The following PIP5K1B variants were observed in gnomAD, a reference collection of about 807,000 sequenced individuals.
PIP5K1B encodes the protein phosphatidylinositol-4-phosphate 5-kinase type 1 beta.
Under a neutral mutation model 67.0 loss-of-function variants are expected in PIP5K1B, and 42 were observed. The observed-to-expected ratio is 0.63, with a 90% CI of 0.49 to 0.81. The LOEUF (loss-of-function observed/expected upper bound fraction) is 0.81. PIP5K1B is among the 30% of genes least tolerant of loss of function. The pLI is 0.00. For missense variants in PIP5K1B, 459 were observed against 646.3 expected, an observed-to-expected ratio of 0.71 and a Z score of 3.14; for synonymous variants, 214 against 231.4, an observed-to-expected ratio of 0.92 and a Z score of 0.68.
At chr9:68,864,062 T>TAAAC in intron 5 of PIP5K1B, 95 bp downstream of exon 5, 36 of 1,146,910 alleles carry the variant, frequency 3.1e-5, no homozygotes, top group Non-Finnish European at 4.5e-5. Flanking sequence ...TACATGTTTA[T>TAAAC]ATGTACAGAT....
intron 6 of PIP5K1B, among the ~76,000 whole-genome samples, chr9:68,888,379 G>T (rs760552291): frequency 1.3e-5 from 2 of 152,230 alleles, no homozygotes; most frequent in African/African-American, 2.4e-5. Context: ...CACCATGTGG[G>T]CTAACCACAG....
At chr9:68,989,210 A>G (rs931424148) in intron 14 of PIP5K1B, among the ~76,000 whole-genome samples, 1 of 151,120 alleles carries the variant, frequency 6.6e-6, no homozygotes, top group Non-Finnish European at 1.5e-5. Flanking sequence ...ATAGGTAAAT[A>G]TGTACAAAGA....
intron 11 of PIP5K1B, among the ~76,000 whole-genome samples, chr9:68,920,784 T>TCTCTCTCTCACACACACACA (rs879785029): frequency 2.1e-5 from 3 of 142,126 alleles, no homozygotes; most frequent in African/African-American, 8.4e-5. Flanking sequence ...TCTCTCTCTC[T>TCTCTCTCTCACACACACACA]CACACACATA....
chr9:68,912,581 G>A (rs1825907475), intron 8 of PIP5K1B, among the ~76,000 whole-genome samples: 1 of 152,180 alleles, frequency 6.6e-6, no homozygotes, highest in Admixed American at 6.5e-5. Context: ...AATCTTCACA[G>A]TAACTTTGGT....
chr9:68,793,854 G>A (rs1039128722), intron 2 of PIP5K1B, among the ~76,000 whole-genome samples: 1 of 152,206 alleles, frequency 6.6e-6, no homozygotes, highest in Non-Finnish European at 1.5e-5. Context: ...GAGTAGATGG[G>A]ATCACTAAGG....
intron 8 of PIP5K1B, among the ~76,000 whole-genome samples, chr9:68,906,245 C>T (rs1461671975): frequency 6.6e-6 from 1 of 152,198 alleles, no homozygotes; most frequent in Non-Finnish European, 1.5e-5. Flanking sequence ...TCTGGAACTC[C>T]TGGGCTCAAG....
intron 5 of PIP5K1B, among the ~76,000 whole-genome samples, chr9:68,872,056 A>G (rs6560407): frequency 0.91 from 139,295 of 152,282 alleles, 63,942 homozygotes; most frequent in Non-Finnish European, 0.95. Flanking sequence ...TCCAGTCTCA[A>G]GCAAGGAAAG....
chr9:68,988,636 T>G (rs1218464958), intron 14 of PIP5K1B, among the ~76,000 whole-genome samples: 1 of 151,896 alleles, frequency 6.6e-6, no homozygotes, highest in Non-Finnish European at 1.5e-5. Context: ...TTTTTAGTAG[T>G]GACAAGGTTT....
chr9:68,960,188 T>A (rs1215909839), intron 14 of PIP5K1B, among the ~76,000 whole-genome samples: 1 of 152,230 alleles, frequency 6.6e-6, no homozygotes, highest in Non-Finnish European at 1.5e-5. Flanking sequence ...ATTTCAGAAG[T>A]GGTTTTCAAA....
At chr9:68,969,367 CAAAAAAAA>C (rs10573153) in intron 14 of PIP5K1B, among the ~76,000 whole-genome samples, 9 of 84,140 alleles carry the variant, frequency 1.1e-4, no homozygotes, top group African/African-American at 3.6e-4. Context: ...GACTCCACCT[CAAAAAAAA>C]AAAAAAAAAA....
intron 4 of PIP5K1B, among the ~76,000 whole-genome samples, chr9:68,842,838 T>A (rs756857975): frequency 3.9e-5 from 6 of 152,228 alleles, no homozygotes; most frequent in Non-Finnish European, 7.3e-5. Flanking sequence ...CAGGAATTTA[T>A]GACTTATCTG....
At chr9:68,744,016 G>A (rs1829148979) in intron 2 of PIP5K1B, among the ~76,000 whole-genome samples, 1 of 152,178 alleles carries the variant, frequency 6.6e-6, no homozygotes, top group African/African-American at 2.4e-5. Flanking sequence ...GGGGGTTCTT[G>A]GTGATAGGGA....
chr9:68,940,879 C>T, intron 14 of PIP5K1B, 89 bp downstream of exon 14: 1 of 1,205,756 alleles, frequency 8.3e-7, no homozygotes, highest in African/African-American at 1.5e-5. Context: ...GGACACGTCT[C>T]TAACAACCAG....
chr9:68,837,616 T>TGG (rs143172799), intron 4 of PIP5K1B, among the ~76,000 whole-genome samples: 2 of 71,354 alleles, frequency 2.8e-5, no homozygotes, highest in African/African-American at 4.7e-5. Context: ...TGTTTTTTTT[T>TGG]TTTTTTTTTG....
At chr9:68,894,665 C>A in intron 8 of PIP5K1B, 27 bp downstream of exon 8, 1 of 1,601,040 alleles carries the variant, frequency 6.2e-7, no homozygotes, top group Non-Finnish European at 8.5e-7. Flanking sequence ...GTTGTGATTT[C>A]CTTTGAACTC....
chr9:68,781,665 A>G (rs1831288927), intron 2 of PIP5K1B: 1 of 166,898 alleles, frequency 6.0e-6, no homozygotes, highest in Non-Finnish European at 1.5e-5. Flanking sequence ...ACTTTTAAGA[A>G]AAACATTTTT....
intron 15 of PIP5K1B, among the ~76,000 whole-genome samples, chr9:69,002,317 A>T (rs531220681): frequency 6.6e-6 from 1 of 152,208 alleles, no homozygotes; most frequent in African/African-American, 2.4e-5. Flanking sequence ...GCTGCGTCCA[A>T]ATATATTTTT....
chr9:68,845,661 T>C (rs930676089), intron 4 of PIP5K1B, among the ~76,000 whole-genome samples: 9 of 152,184 alleles, frequency 5.9e-5, no homozygotes, highest in Non-Finnish European at 1.0e-4. Context: ...TTTGTTTAAA[T>C]GTACAGGGCT....
At chr9:68,752,313 A>G (rs1238532242) in intron 2 of PIP5K1B, among the ~76,000 whole-genome samples, 1 of 152,210 alleles carries the variant, frequency 6.6e-6, no homozygotes, top group Non-Finnish European at 1.5e-5. Context: ...ACAGTGTTAG[A>G]GATCTTCAAG....
Sources: gnomAD v4.1 joint callset for allele counts (sites outside exome capture counted in the v4.1 genomes callset) on GRCh38, gnomAD v4.1.1 for gene constraint, MANE v1.5 for transcripts, NCBI Gene and HGNC (gene_info 2026-07-23, HGNC 2026-07-21) for gene names.